The following PCLO variants were observed in gnomAD, a reference collection of about 807,000 sequenced individuals.
The protein encoded by PCLO is piccolo presynaptic cytomatrix protein, also known as protein piccolo.
Under a neutral mutation model 427.5 loss-of-function variants are expected in PCLO, and 82 were observed. The ratio of observed to expected loss-of-function variants is 0.19; its 90% CI spans 0.16 to 0.23. The LOEUF is 0.23. Ranked by LOEUF, PCLO falls within the 10% of genes least tolerant of loss-of-function variation. The probability of loss-of-function intolerance (pLI) is 1.00; values close to 1 mark genes in which losing one functional copy is unlikely to be tolerated. For synonymous variants in PCLO, 2,357 were observed against 2,155.4 expected, an observed-to-expected ratio of 1.09 and a Z score of -2.59; for missense variants, 6,239 against 6,115.9, an observed-to-expected ratio of 1.02 and a Z score of -0.67.
At chr7:82,761,315 TAA>T (rs1790428011) in intron 23 of PCLO, 42 bp downstream of exon 23, 1 of 1,169,214 alleles carries the variant, frequency 8.6e-7, no homozygotes, top group South Asian at 1.5e-5. Flanking sequence ...GACACATCCC[TAA>T]AAAAATCTAG....
At chr7:83,012,748 C>G (rs1437781809) in intron 3 of PCLO, among the ~76,000 whole-genome samples, 1 of 151,830 alleles carries the variant, frequency 6.6e-6, no homozygotes. Flanking sequence ...ACTAGTACAG[C>G]ACAGCTCAAG....
intron 3 of PCLO, among the ~76,000 whole-genome samples, chr7:83,117,591 A>G (rs1791166688): frequency 6.6e-6 from 1 of 152,122 alleles, no homozygotes; most frequent in Non-Finnish European, 1.5e-5. Context: ...GCTATCAAAG[A>G]GGTGGATTCT....
rs570983775 is a variant in PCLO, at chr7:82,874,253, G to GA, written c.13654+5083dup. 5.3e-5 allele frequency among the ~76,000 whole-genome samples: 8 copies of GA among 150,892 alleles called. No homozygotes were observed. The Middle Eastern group carries it at 0.01, about 192-fold the overall frequency. On this transcript the variant is annotated intron_variant, in intron 10 of 24. Transcript: ENST00000333891. ...GCATTGTGCTGGACACAGTATAAAG[G>GA]AAAAAAAACTGACAAGGTCAAGGTA...
chr7:82,830,216 G>T (rs1176095021), intron 16 of PCLO, among the ~76,000 whole-genome samples: 1 of 151,758 alleles, frequency 6.6e-6, no homozygotes, highest in Non-Finnish European at 1.5e-5. Flanking sequence ...TGGATAGCAA[G>T]CACACAGGTA....
At chr7:83,051,069 T>C (rs1328960340) in intron 3 of PCLO, among the ~76,000 whole-genome samples, 1 of 152,088 alleles carries the variant, frequency 6.6e-6, no homozygotes, top group Non-Finnish European at 1.5e-5. Context: ...TTTCTCAACT[T>C]GATAAAGAAC....
intron 3 of PCLO, among the ~76,000 whole-genome samples, chr7:83,025,715 T>C (rs891082987): frequency 6.6e-6 from 1 of 151,968 alleles, no homozygotes; most frequent in Non-Finnish European, 1.5e-5. Context: ...AAAGGTTGGG[T>C]TACCCTCAAA....
intron 1 of PCLO, among the ~76,000 whole-genome samples, chr7:83,160,941 T>C (rs1455523070): frequency 6.6e-6 from 1 of 152,110 alleles, no homozygotes; most frequent in Non-Finnish European, 1.5e-5. Context: ...TCTTGTCAAG[T>C]TTTCATCAAG....
At chr7:82,796,990 A>T (rs528775037) in intron 22 of PCLO, among the ~76,000 whole-genome samples, 2 of 152,068 alleles carry the variant, frequency 1.3e-5, no homozygotes, top group South Asian at 4.2e-4. Flanking sequence ...CAGCAAGGTC[A>T]CATATTTGTG....
chr7:82,941,080 C>A (rs536436696), intron 6 of PCLO, among the ~76,000 whole-genome samples: 45 of 131,610 alleles, frequency 3.4e-4, no homozygotes, highest in African/African-American at 1.2e-3. Context: ...ATATTGCTTT[C>A]AATCATTAAG....
chr7:82,808,427 A>G (rs1202726280), intron 20 of PCLO, among the ~76,000 whole-genome samples: 1 of 151,874 alleles, frequency 6.6e-6, no homozygotes, highest in Admixed American at 6.6e-5. Flanking sequence ...TCTTCTGGAA[A>G]AGTTGAGAAA....
intron 22 of PCLO, among the ~76,000 whole-genome samples, chr7:82,791,493 C>T (rs1259590637): frequency 6.6e-6 from 1 of 152,266 alleles, no homozygotes; most frequent in Non-Finnish European, 1.5e-5. Flanking sequence ...GAGTAGATAG[C>T]AAGTCCTTTT....
chr7:83,006,853 G>C lies in PCLO; in HGVS notation c.3301-40366C>G, dbSNP rs567194453. ...GCTCAAATATTTACTCTTCAGTGAT[G>C]ACCACATATTTAAAATTGAAATTCT... On this transcript the variant is annotated intron_variant, in intron 3 of 24. Coordinates refer to ENST00000333891, the MANE Select transcript of PCLO (RefSeq NM_033026.6). 4.6e-5 allele frequency among the ~76,000 whole-genome samples: 7 copies of C among 151,510 alleles called. No individual in the cohort carries two copies. The South Asian group carries it at 1.5e-3, about 31-fold the overall frequency.
intron 1 of PCLO, among the ~76,000 whole-genome samples, chr7:83,157,832 A>G (rs2116698844): frequency 6.6e-6 from 1 of 152,186 alleles, no homozygotes; most frequent in Non-Finnish European, 1.5e-5. Context: ...GAATAAAGAA[A>G]GTAACTTAGT....
In PCLO at chr7:82,955,036, G is replaced by C; in HGVS notation, c.5917C>G (p.Leu1973Val). The C allele has an allele frequency of 1.9e-6, 3 of 1,613,714 alleles. No homozygotes were observed. The highest frequency in any genetic ancestry group is 2.5e-6 in the Non-Finnish European group (3 of 1,179,842). ...DTYNGSVDGS[L>V]LTRQEEENGF... is the part of the protein sequence containing the mutation. Reference sequence around the variant, plus strand: ...TTTTCTTCTTCTTGCCTTGTTAGCAGACTGCCATCTACCGATCCATTGTAC... The same window carrying C: ...TTTTCTTCTTCTTGCCTTGTTAGCACACTGCCATCTACCGATCCATTGTAC... Residue 1973 changes from leucine (L) to valine (V), a missense_variant, in exon 5 of 25, where the codon CTG becomes GTG. Physicochemically the swap from Leu to Val is conservative, Grantham distance 32. Coordinates refer to ENST00000333891, the MANE Select transcript of PCLO (RefSeq NM_033026.6).
chr7:82,891,259 A>G (rs567670289), intron 9 of PCLO, among the ~76,000 whole-genome samples: 32 of 152,202 alleles, frequency 2.1e-4, no homozygotes, highest in Non-Finnish European at 4.6e-4. Context: ...GCTGTTCTTA[A>G]TCACTTCTGC....
chr7:83,042,192 T>C (rs1296205556), intron 3 of PCLO, among the ~76,000 whole-genome samples: 1 of 152,136 alleles, frequency 6.6e-6, no homozygotes, highest in Non-Finnish European at 1.5e-5. Flanking sequence ...TTATTTTACA[T>C]ATAAAGAAGG....
rs567167808 is a variant in PCLO at position 82,772,632 on chromosome 7, T to A, written c.15008-11139A>T. Among the ~76,000 whole-genome samples the A allele has an allele frequency of 5.9e-5, 9 of 152,292 alleles. No homozygotes were observed. In the South Asian group the frequency reaches 1.9e-3, roughly 32 times the overall value. On this transcript the variant is annotated intron_variant, in intron 22 of 24. Transcript: ENST00000333891. The stretch of plus-strand genomic sequence containing the variant: ...GTGAAAGTAGGACAAGCCTGCACAT[T>A]CTCTCTGTATTCTGTTATATAAAGA...
intron 3 of PCLO, among the ~76,000 whole-genome samples, chr7:82,983,933 AG>A (rs969634521): frequency 1.3e-5 from 2 of 151,978 alleles, no homozygotes; most frequent in Non-Finnish European, 2.9e-5. Context: ...GGCAGTTAGT[AG>A]GAAAATAAAT....
intron 3 of PCLO, among the ~76,000 whole-genome samples, chr7:83,085,569 CG>C (rs1387612484): frequency 6.6e-6 from 1 of 152,090 alleles, no homozygotes; most frequent in East Asian, 1.9e-4. Context: ...GTTCGTATTT[CG>C]GAGTGCCAAA....
Sources: allele counts gnomAD v4.1 joint callset (sites outside exome capture counted in the v4.1 genomes callset), GRCh38; gene constraint gnomAD v4.1.1; transcripts MANE v1.5; gene names NCBI Gene and HGNC (gene_info 2026-07-23, HGNC 2026-07-21).